RAPGEF6: variants seen among roughly 807,000 people sequenced by gnomAD.
RAPGEF6 encodes the protein PDZ domain containing guanine nucleotide exchange factor (GEF) 2.
Under a neutral mutation model 171.4 loss-of-function variants are expected in RAPGEF6, and 56 were observed. That is an observed-to-expected ratio of 0.33 (90% CI 0.26 to 0.41). The LOEUF is 0.41. Among genes scored for constraint, RAPGEF6 ranks in the 10% least tolerant of loss-of-function variants. RAPGEF6 has a pLI of 1.00. For missense variants in RAPGEF6, 1,674 were observed against 1,921.4 expected (o/e 0.87, Z 2.41); for synonymous variants, 692 against 650.1 (o/e 1.06, Z -0.98).
At chr5:131,583,282 TGTGAAGTTTAGAC>T (rs1763071601) in intron 4 of RAPGEF6, among the ~76,000 whole-genome samples, 1 of 152,186 alleles carries the variant, frequency 6.6e-6, no homozygotes, top group South Asian at 2.1e-4. Flanking sequence ...TCCCCTCCAT[TGTGAAGTTTAGAC>T]ACAACTTATG....
chr5:131,461,598 T>C (rs2149834557), intron 19 of RAPGEF6, 107 bp downstream of exon 19: 1 of 1,077,112 alleles, frequency 9.3e-7, no homozygotes, highest in East Asian at 2.6e-5. Context: ...AATAAAGGCA[T>C]ATTAATTGAA....
At position 131,603,306 on chromosome 5, in the gene RAPGEF6, G is replaced by T; in HGVS notation, c.162C>A (p.Arg54=). 1.3e-6 allele frequency: 2 copies of T among 1,574,868 alleles called. No homozygotes were observed. The highest frequency in any genetic ancestry group is 2.3e-5 in the East Asian group (1 of 42,672). Residue 54 remains arginine (R), a synonymous_variant, in exon 3 of 28, where the codon CGC becomes CGA. Coordinates refer to ENST00000509018, the MANE Select transcript of RAPGEF6 (RefSeq NM_016340.6). ...CCTGATTGCCACTGTATCTCTCATA[G>T]CGTGCTCTTGCAGACATTAATCTAT... ...HQLRLMSARA[R]YERYSGNQVL...
intron 1 of RAPGEF6, among the ~76,000 whole-genome samples, chr5:131,614,401 G>C (rs961154051): frequency 1.3e-5 from 2 of 152,040 alleles, no homozygotes; most frequent in Admixed American, 1.3e-4. Context: ...TGCATGCCTG[G>C]GAAGGCCTCA....
At chr5:131,509,592 G>T (rs1259419986) in intron 8 of RAPGEF6, among the ~76,000 whole-genome samples, 1 of 151,882 alleles carries the variant, frequency 6.6e-6, no homozygotes, top group Non-Finnish European at 1.5e-5. Flanking sequence ...TTAAGCTAGG[G>T]AAATAAAAAT....
chr5:131,522,849 T>C (rs1580964849), intron 6 of RAPGEF6, among the ~76,000 whole-genome samples: 1 of 152,188 alleles, frequency 6.6e-6, no homozygotes, highest in South Asian at 2.1e-4. Context: ...GGAGAGTAAA[T>C]TAGACTCTAG....
Position 131,538,120 on chromosome 5 carries a change from C to T in RAPGEF6, c.495+9927G>A, listed in dbSNP as rs1353470460. Among the ~76,000 whole-genome samples, 2 of 151,946 alleles carry T rather than the reference C, an allele frequency of 1.3e-5. 1 individual carries two copies. Among genetic ancestry groups the T allele is most frequent in the South Asian group, 4.1e-4 (2 of 4,820 alleles). On this transcript the variant is annotated intron_variant, in intron 6 of 27. Transcript: ENST00000509018. ...ACCTAAAAAACCAAAAACAAAAAAC[C>T]ACTACAACAATAAAAAAAACTACAA...
At chr5:131,462,164 G>A in intron 18 of RAPGEF6, 76 bp from the exon 19 acceptor site, 1 of 1,151,186 alleles carries the variant, frequency 8.7e-7, no homozygotes, top group Non-Finnish European at 1.1e-6. Flanking sequence ...TTTTGTCGTT[G>A]TAAAATATCA....
At position 131,587,249 on chromosome 5, in the gene RAPGEF6, T is replaced by A. The variant is rs761679872; in HGVS notation, c.281+5134A>T. On this transcript the variant is annotated intron_variant, in intron 4 of 27. Transcript: ENST00000509018. ...AGCCAACAATTCCTTGTTAAGTATA[T>A]ACAACAGAAATGTATCCACATGTGC... 7.7e-4 allele frequency among the ~76,000 whole-genome samples: 118 copies of A among 152,294 alleles called. 1 individual carries two copies. The highest frequency in any genetic ancestry group is 1.4e-3 in the African/African-American group (58 of 41,548).
intron 1 of RAPGEF6, among the ~76,000 whole-genome samples, chr5:131,609,274 G>C (rs1764801791): frequency 6.6e-6 from 1 of 152,128 alleles, no homozygotes; most frequent in Non-Finnish European, 1.5e-5. Context: ...ACACAAAACA[G>C]ACAAGACAGT....
rs183364835 is a variant in RAPGEF6, at chr5:131,468,049, C to T, written c.2240-3768G>A. The stretch of plus-strand genomic sequence containing the variant: ...CTGTCAAAAAAAAAAATCTTGGGGT[C>T]GGGCGCAGTGGCTTATGCCAGTAAT... On this transcript the variant is annotated intron_variant, in intron 17 of 27. Coordinates refer to ENST00000509018, the MANE Select transcript of RAPGEF6 (RefSeq NM_016340.6). Among the ~76,000 whole-genome samples, 489 of 149,084 alleles carry T rather than the reference C, an allele frequency of 3.3e-3. 3 individuals carry two copies. Among genetic ancestry groups the T allele is most frequent in the African/African-American group, 0.011 (457 of 40,496 alleles).
At chr5:131,600,932 G>C (rs1268676653) in intron 3 of RAPGEF6, among the ~76,000 whole-genome samples, 2 of 151,916 alleles carry the variant, frequency 1.3e-5, no homozygotes, top group Non-Finnish European at 2.9e-5. Context: ...AGTTGAGAAA[G>C]GAATTACTCT....
Position 131,510,321 on chromosome 5 carries a change from A to T in RAPGEF6, c.798T>A (p.Asp266Glu), listed in dbSNP as rs1757636203. The T allele has an allele frequency of 6.2e-7, 1 of 1,612,396 alleles. No individual in the cohort carries two copies. The highest frequency in any genetic ancestry group is 1.3e-5 in the African/African-American group (1 of 74,884). The change falls in exon 8 of 28, where the codon GAT becomes GAA. Residue 266 changes from aspartate (D) to glutamate (E), a missense_variant. By Grantham distance (45) the Asp-to-Glu change is conservative. Coordinates refer to ENST00000509018, the MANE Select transcript of RAPGEF6 (RefSeq NM_016340.6). ...LEKEPADKTDDDIEQLLEFMH... is the reference protein window; with the variant it reads ...LEKEPADKTDEDIEQLLEFMH... ...AACACATATATTTCTTACCAATGTC[A>T]TCATCAGTTTTGTCTGCAGGTTCTT... is the stretch of plus-strand genomic sequence containing the variant.
chr5:131,459,190 T>A (rs1753729319), intron 19 of RAPGEF6, among the ~76,000 whole-genome samples: 1 of 152,200 alleles, frequency 6.6e-6, no homozygotes, highest in African/African-American at 2.4e-5. Flanking sequence ...TTTCAGTACA[T>A]AATAGATGGC....
At chr5:131,547,930 C>T in intron 6 of RAPGEF6, 117 bp downstream of exon 6, 1 of 1,082,468 alleles carries the variant, frequency 9.2e-7, no homozygotes, top group Non-Finnish European at 1.3e-6. Context: ...TATTTACCTG[C>T]CCCAAATTTT....
chr5:131,518,655 C>CA (rs35928965), intron 7 of RAPGEF6, among the ~76,000 whole-genome samples: 16 of 152,116 alleles, frequency 1.1e-4, no homozygotes, highest in Non-Finnish European at 1.9e-4. Context: ...CTCTGCCTCC[C>CA]AAAGTGCTGG....
intron 19 of RAPGEF6, among the ~76,000 whole-genome samples, chr5:131,460,968 C>G (rs1158765652): frequency 2.6e-5 from 4 of 152,072 alleles, no homozygotes; most frequent in Non-Finnish European, 5.9e-5. Flanking sequence ...AAAAATGGAG[C>G]TAACTACAAC....
intron 22 of RAPGEF6, among the ~76,000 whole-genome samples, chr5:131,442,807 A>T (rs1236592387): frequency 6.6e-6 from 1 of 152,042 alleles, no homozygotes; most frequent in East Asian, 1.9e-4. Flanking sequence ...TTATTTTTTG[A>T]GATGAAGTTT....
chr5:131,450,345 AT>A (rs1752986215), intron 21 of RAPGEF6, among the ~76,000 whole-genome samples: 1 of 152,200 alleles, frequency 6.6e-6, no homozygotes, highest in Admixed American at 6.5e-5. Context: ...AAGGAAAAAC[AT>A]TTACTTACTA....
At chr5:131,602,151 T>G (rs979621133) in intron 3 of RAPGEF6, among the ~76,000 whole-genome samples, 4 of 152,212 alleles carry the variant, frequency 2.6e-5, no homozygotes, top group Admixed American at 6.5e-5. Flanking sequence ...TGATACTTTC[T>G]GAAAAATGCA....
Sources: allele counts gnomAD v4.1 joint callset (sites outside exome capture counted in the v4.1 genomes callset), GRCh38; gene constraint gnomAD v4.1.1; transcripts MANE v1.5; gene names NCBI Gene and HGNC (gene_info 2026-07-23, HGNC 2026-07-21).